Variants in TEC observed in about 807,000 individuals in gnomAD.
TEC encodes tec protein tyrosine kinase.
TEC carries 72 observed loss-of-function variants against 93.0 expected under a neutral mutation model. The observed-to-expected ratio is 0.77, with a 90% CI of 0.64 to 0.94. The LOEUF is 0.94. Among genes scored for constraint, TEC ranks in the 40% least tolerant of loss-of-function variants. The pLI is 0.00. For missense variants in TEC, 630 were observed against 757.9 expected (o/e 0.83, Z 1.98); for synonymous variants, 249 against 247.7 (o/e 1.01, Z -0.05).
At chr4:48,240,206 T>C (rs980741075) in intron 1 of TEC, among the ~76,000 whole-genome samples, 14 of 152,310 alleles carry the variant, frequency 9.2e-5, no homozygotes, top group Admixed American at 6.5e-5. Context: ...ATCCTATTTT[T>C]ACTTATGTTT....
At chr4:48,155,956 TG>T (rs927483829) in intron 9 of TEC, 20 of 152,254 alleles carry the variant, frequency 1.3e-4, no homozygotes, top group African/African-American at 4.8e-4. Context: ...AGAGCCAAAC[TG>T]AAGCACTAAC....
intron 1 of TEC, among the ~76,000 whole-genome samples, chr4:48,231,287 G>A (rs1208193131): frequency 6.6e-6 from 1 of 152,190 alleles, no homozygotes; most frequent in South Asian, 2.1e-4. Context: ...TTAAGCTAAG[G>A]AGTCACAGGA....
intron 1 of TEC, among the ~76,000 whole-genome samples, chr4:48,234,138 C>CA (rs1227147236): frequency 6.6e-6 from 1 of 152,054 alleles, no homozygotes; most frequent in Non-Finnish European, 1.5e-5. Context: ...GAGTAGAAGA[C>CA]AATGAAGAAA....
chr4:48,161,173 G>C (rs1720641623), intron 8 of TEC, among the ~76,000 whole-genome samples: 1 of 152,058 alleles, frequency 6.6e-6, no homozygotes, highest in Admixed American at 6.5e-5. Flanking sequence ...GAATGGGTGA[G>C]AATAAATCAT....
chr4:48,253,040 T>C (rs1229560348), intron 1 of TEC, among the ~76,000 whole-genome samples: 1 of 152,186 alleles, frequency 6.6e-6, no homozygotes, highest in Non-Finnish European at 1.5e-5. Context: ...CTTCCCAACT[T>C]CATTTGATCA....
At chr4:48,211,915 C>T (rs1306789646) in intron 2 of TEC, among the ~76,000 whole-genome samples, 2 of 151,460 alleles carry the variant, frequency 1.3e-5, no homozygotes, top group Admixed American at 1.3e-4. Context: ...CTGGGCAACA[C>T]GGTAAAACCC....
At chr4:48,260,630 T>C (rs1362354406) in intron 1 of TEC, among the ~76,000 whole-genome samples, 2 of 133,442 alleles carry the variant, frequency 1.5e-5, no homozygotes, top group African/African-American at 5.5e-5. Context: ...AAAAAAAAAA[T>C]CTAAGTGTCC....
intron 1 of TEC, among the ~76,000 whole-genome samples, chr4:48,239,121 C>T (rs1424796808): frequency 6.6e-6 from 1 of 151,922 alleles, no homozygotes; most frequent in African/African-American, 2.4e-5. Flanking sequence ...GTAAAACTTT[C>T]TAATGCTTTT....
intron 2 of TEC, among the ~76,000 whole-genome samples, chr4:48,179,367 TATATATA>T (rs1560393272): frequency 2.0e-3 from 84 of 41,120 alleles, no homozygotes; most frequent in African/African-American, 6.4e-3. Flanking sequence ...TATATATATA[TATATATA>T]TATTTTTTTT....
chr4:48,197,352 G>C (rs987355990), intron 2 of TEC, among the ~76,000 whole-genome samples: 1 of 152,190 alleles, frequency 6.6e-6, no homozygotes, highest in African/African-American at 2.4e-5. Flanking sequence ...AATGGGAATA[G>C]TAACTGTATC....
In TEC at chr4:48,149,702, A is replaced by G; in HGVS notation, c.873-12T>C. The G allele has an allele frequency of 6.3e-7, 1 of 1,593,096 alleles. No homozygotes were observed. Among genetic ancestry groups the G allele is most frequent in the Non-Finnish European group, 8.5e-7 (1 of 1,173,496 alleles). ...CCGATGAACCTTCTCTAGAACAAAA[A>G]TCAAAATGTGTCAGAACCAAGTTGA... On this transcript the variant is annotated splice_polypyrimidine_tract_variant and intron_variant, in intron 10 of 17. Coordinates refer to ENST00000381501, the MANE Select transcript of TEC (RefSeq NM_003215.3).
chr4:48,266,844 A>C (rs1468514647), intron 1 of TEC, among the ~76,000 whole-genome samples: 2 of 152,194 alleles, frequency 1.3e-5, no homozygotes, highest in Admixed American at 6.5e-5. Context: ...GTCTCAAAAA[A>C]AAAAAAAACG....
At chr4:48,204,652 C>T (rs1486896523) in intron 2 of TEC, among the ~76,000 whole-genome samples, 1 of 152,158 alleles carries the variant, frequency 6.6e-6, no homozygotes, top group African/African-American at 2.4e-5. Flanking sequence ...GGGATCATTT[C>T]AGGATGAAAC....
intron 15 of TEC, among the ~76,000 whole-genome samples, chr4:48,140,098 G>A (rs550489153): frequency 2.1e-4 from 32 of 152,326 alleles, no homozygotes; most frequent in Middle Eastern, 3.4e-3. Context: ...AGAGCATTGG[G>A]TAATTAATAT....
At chr4:48,178,585 C>T (rs1466240085) in intron 2 of TEC, among the ~76,000 whole-genome samples, 1 of 152,020 alleles carries the variant, frequency 6.6e-6, no homozygotes, top group African/African-American at 2.4e-5. Context: ...GGTACATTAC[C>T]CAAAGCCAGC....
chr4:48,169,630 G>A (rs1721018987), intron 5 of TEC, among the ~76,000 whole-genome samples: 1 of 152,098 alleles, frequency 6.6e-6, no homozygotes, highest in South Asian at 2.1e-4. Context: ...GCACCAGCAG[G>A]AAACGGTATA....
chr4:48,227,758 A>G (rs532360363), intron 2 of TEC, among the ~76,000 whole-genome samples: 1 of 152,286 alleles, frequency 6.6e-6, no homozygotes, highest in South Asian at 2.1e-4. Context: ...CTGGAAACCA[A>G]GGATATTTCT....
In TEC at chr4:48,167,828, G is replaced by C; in HGVS notation, c.621C>G (p.Leu207=). Residue 207 remains leucine (L), a synonymous_variant, in exon 7 of 18, where the codon CTC becomes CTG. Transcript: ENST00000381501. The part of the protein sequence containing the change: ...DLRLERGQEY[L]ILEKNDVHWW... ...AATGAACATCATTCTTTTCTAAAATGAGATACTCTTGGCCTCTCTCTAATC... is the reference window on the plus strand; with the variant it reads ...AATGAACATCATTCTTTTCTAAAATCAGATACTCTTGGCCTCTCTCTAATC... 6.2e-7 allele frequency: 1 copy of C among 1,613,834 alleles called. No individual in the cohort carries two copies.
At chr4:48,171,249 C>T in intron 4 of TEC, 119 bp downstream of exon 4, 1 of 762,610 alleles carries the variant, frequency 1.3e-6, no homozygotes. Context: ...TGGAGAAACA[C>T]TTACTGTAGA....
Sources: allele counts gnomAD v4.1 joint callset (sites outside exome capture counted in the v4.1 genomes callset), GRCh38; gene constraint gnomAD v4.1.1; transcripts MANE v1.5; gene names NCBI Gene and HGNC (gene_info 2026-07-23, HGNC 2026-07-21).